PRKAG2: variants seen among roughly 807,000 people sequenced by gnomAD.
The protein encoded by PRKAG2 is protein kinase AMP-activated non-catalytic subunit gamma 2.
A neutral mutation model predicts 69.6 loss-of-function variants in PRKAG2; 26 were observed. That is an observed-to-expected ratio of 0.37 (90% CI 0.27 to 0.52). The LOEUF (loss-of-function observed/expected upper bound fraction) is 0.52, where lower values mean the gene tolerates loss of function less well. Among genes scored for constraint, PRKAG2 ranks in the 20% least tolerant of loss-of-function variants. PRKAG2 has a pLI of 0.90. For missense variants in PRKAG2, 557 were observed against 740.0 expected, an observed-to-expected ratio of 0.75 and a Z score of 2.87; for synonymous variants, 293 against 285.0, an observed-to-expected ratio of 1.03 and a Z score of -0.28.
intron 1 of PRKAG2, chr7:151,809,739 G>T: frequency 6.4e-6 from 1 of 155,544 alleles, no homozygotes; most frequent in South Asian, 1.9e-4. Context: ...TTGGGGAATG[G>T]CAATTAAAGG....
chr7:151,580,711 T>C (rs186555238), intron 6 of PRKAG2, among the ~76,000 whole-genome samples: 1 of 151,732 alleles, frequency 6.6e-6, no homozygotes, highest in East Asian at 1.9e-4. Context: ...TCACATGTTC[T>C]CATCCATTTG....
intron 4 of PRKAG2, among the ~76,000 whole-genome samples, chr7:151,671,026 T>C (rs1831943469): frequency 6.6e-6 from 1 of 151,982 alleles, no homozygotes; most frequent in Non-Finnish European, 1.5e-5. Flanking sequence ...ATATAAAAAT[T>C]AGCTGGGTGT....
At chr7:151,790,880 C>T (rs1348530746) in intron 1 of PRKAG2, among the ~76,000 whole-genome samples, 3 of 152,234 alleles carry the variant, frequency 2.0e-5, no homozygotes, top group African/African-American at 7.2e-5. Flanking sequence ...AAGGGACTCA[C>T]GTCAAGATGG....
chr7:151,758,391 ATTCT>A (rs780453240), intron 3 of PRKAG2, among the ~76,000 whole-genome samples: 1 of 152,270 alleles, frequency 6.6e-6, no homozygotes, highest in Non-Finnish European at 1.5e-5. Flanking sequence ...GATGCTAGGA[ATTCT>A]TTCTTTGTTA....
At chr7:151,672,314 G>A (rs945241454) in intron 4 of PRKAG2, among the ~76,000 whole-genome samples, 2 of 150,928 alleles carry the variant, frequency 1.3e-5, no homozygotes, top group South Asian at 4.2e-4. Context: ...TATTAGCCAG[G>A]ATGGTCTCGA....
chr7:151,708,997 ATGACACTGTG>A (rs1358351826), intron 3 of PRKAG2, among the ~76,000 whole-genome samples: 2 of 152,200 alleles, frequency 1.3e-5, no homozygotes, highest in East Asian at 3.8e-4. Flanking sequence ...GCCGGAAACC[ATGACACTGTG>A]TGACACTGTG....
rs977723891 is a variant in PRKAG2, at chr7:151,820,887, C to T, written c.115-34346G>A. Among the ~76,000 whole-genome samples the T allele has an allele frequency of 4.9e-5, 7 of 143,084 alleles. No homozygotes were observed. The East Asian group carries it at 1.2e-3, about 25-fold the overall frequency. The allele number at this position is 143,084 out of a possible 152,430, so 93.9% of individuals were successfully genotyped here. ...CCCTGCCCTAGCAGCTCTCAGTGGC[C>T]CATCACCACTCCCGCTCTCTCTCTC... is the stretch of plus-strand genomic sequence containing the variant. On this transcript the variant is annotated intron_variant, in intron 1 of 15. Transcript: ENST00000287878.
rs1012591617 is a variant in PRKAG2 at position 151,725,984 on chromosome 7, T to C, written c.467-50347A>G. 1.1e-4 allele frequency among the ~76,000 whole-genome samples: 17 copies of C among 152,316 alleles called. 1 individual carries two copies. The highest frequency in any genetic ancestry group is 1.1e-3 in the Admixed American group (17 of 15,310). ...TATAAGGAGTTGCTATAGCGACAGC[T>C]GGTGGTTACAAACCAGGTCCTGCTA... On this transcript the variant is annotated intron_variant, in intron 3 of 15. Coordinates refer to ENST00000287878, the MANE Select transcript of PRKAG2 (RefSeq NM_016203.4).
At chr7:151,765,463 AG>A (rs1399083231) in intron 3 of PRKAG2, among the ~76,000 whole-genome samples, 1 of 152,182 alleles carries the variant, frequency 6.6e-6, no homozygotes, top group African/African-American at 2.4e-5. Context: ...GGTGGTAACA[AG>A]AAGCCAAACC....
chr7:151,837,421 G>C (rs1291054726), intron 1 of PRKAG2: 2 of 152,468 alleles, frequency 1.3e-5, no homozygotes, highest in Non-Finnish European at 2.9e-5. Context: ...CTGGCCCACG[G>C]GGATGGCAGC....
At chr7:151,687,781 C>T (rs1442323639) in intron 3 of PRKAG2, among the ~76,000 whole-genome samples, 2 of 152,228 alleles carry the variant, frequency 1.3e-5, no homozygotes, top group Non-Finnish European at 1.5e-5. Flanking sequence ...TGACGGTGAC[C>T]TCATCCCTGT....
At chr7:151,644,410 C>T (rs991339596) in intron 4 of PRKAG2, among the ~76,000 whole-genome samples, 9 of 152,094 alleles carry the variant, frequency 5.9e-5, no homozygotes, top group Non-Finnish European at 1.3e-4. Context: ...TAAATATTTC[C>T]TAGAATTTTG....
intron 3 of PRKAG2, among the ~76,000 whole-genome samples, chr7:151,772,487 C>T (rs140575646): frequency 1.3e-5 from 2 of 152,358 alleles, no homozygotes; most frequent in Non-Finnish European, 2.9e-5. Context: ...CAGCTCTCCT[C>T]TACCTCATCA....
rs534775357 is a variant in PRKAG2 at position 151,722,087 on chromosome 7, C to T, written c.467-46450G>A. Among the ~76,000 whole-genome samples, 23 of 152,254 alleles carry T rather than the reference C, an allele frequency of 1.5e-4. 2 individuals are homozygous for T. In the South Asian group the frequency reaches 3.6e-3, roughly 24 times the overall value. On this transcript the variant is annotated intron_variant, in intron 3 of 15. Transcript: ENST00000287878. The stretch of plus-strand genomic sequence containing the variant: ...GTGAATATGATGGATGTTGTAGAAT[C>T]CTCCTGGCATAGCTCCTAGTGCCCA...
intron 3 of PRKAG2, among the ~76,000 whole-genome samples, chr7:151,776,505 C>G (rs1202355244): frequency 2.0e-5 from 3 of 152,248 alleles, no homozygotes; most frequent in Non-Finnish European, 4.4e-5. Flanking sequence ...TGGCCAACGT[C>G]CCACCATGTC....
intron 2 of PRKAG2, among the ~76,000 whole-genome samples, chr7:151,784,381 G>A (rs890671296): frequency 2.0e-5 from 3 of 152,206 alleles, no homozygotes; most frequent in Non-Finnish European, 2.9e-5. Context: ...ACATAGGGGA[G>A]CGGGGCCCCA....
intron 4 of PRKAG2, among the ~76,000 whole-genome samples, chr7:151,668,622 T>TA (rs1352507692): frequency 1.3e-5 from 2 of 152,184 alleles, no homozygotes; most frequent in African/African-American, 4.8e-5. Context: ...GGACATCCTA[T>TA]AACTAAAGCC....
intron 3 of PRKAG2, 86 bp from the exon 4 acceptor site, chr7:151,675,723 G>C: frequency 7.7e-7 from 1 of 1,306,388 alleles, no homozygotes; most frequent in Non-Finnish European, 1.1e-6. Context: ...CTCCAGGAAG[G>C]GAGATGGGGA....
chr7:151,580,485 G>C (rs1810127359), intron 6 of PRKAG2, among the ~76,000 whole-genome samples: 1 of 152,206 alleles, frequency 6.6e-6, no homozygotes, highest in Non-Finnish European at 1.5e-5. Context: ...CATAAAGCCA[G>C]AGTAATGATA....
Sources: gnomAD v4.1 joint callset for allele counts (sites outside exome capture counted in the v4.1 genomes callset) on GRCh38, gnomAD v4.1.1 for gene constraint, MANE v1.5 for transcripts, NCBI Gene and HGNC (gene_info 2026-07-23, HGNC 2026-07-21) for gene names.